Variants in SH3BP4 observed in about 807,000 individuals in gnomAD.
SH3BP4 encodes SH3 domain-binding protein 4.
A neutral mutation model predicts 65.5 loss-of-function variants in SH3BP4; 33 were observed. That is an observed-to-expected ratio of 0.50 (90% CI 0.38 to 0.67). SH3BP4 has a LOEUF of 0.67. SH3BP4 is among the 30% of genes least tolerant of loss of function. SH3BP4 has a pLI of 0.00. For synonymous variants in SH3BP4, 552 were observed against 545.5 expected, an observed-to-expected ratio of 1.01 and a Z score of -0.17; for missense variants, 1,134 against 1,261.4, an observed-to-expected ratio of 0.90 and a Z score of 1.53.
In SH3BP4 at chr2:235,045,782, C is replaced by T. The variant is rs1262649774; in HGVS notation, c.2478+2535C>T. Among the ~76,000 whole-genome samples the T allele has an allele frequency of 3.3e-5, 5 of 152,182 alleles. No individual in the cohort carries two copies. Among genetic ancestry groups the T allele is most frequent in the African/African-American group, 9.7e-5 (4 of 41,438 alleles). On this transcript the variant is annotated intron_variant, in intron 4 of 5. Coordinates refer to ENST00000392011, the MANE Select transcript of SH3BP4 (RefSeq NM_014521.3). This position sits in a 1 kb window ranked among gnomAD's most constrained non-coding sequence, Gnocchi z 4.3. ...CGGCCTCTGCCACCGCTTTACCTGC[C>T]CCTCCCAGAGAGTCACAGCCAGGCC...
At position 235,002,460 on chromosome 2, in the gene SH3BP4, C is replaced by T. The variant is rs1401763496; in HGVS notation, c.-133+7084C>T. ...CATCAAACCAAGGTCAAGCTGGATG[C>T]GGTGGCTCATGACTGTAATCCAAGG... On this transcript the variant is annotated intron_variant, in intron 2 of 5. Coordinates refer to ENST00000392011, the MANE Select transcript of SH3BP4 (RefSeq NM_014521.3). Among the ~76,000 whole-genome samples, 6 of 152,082 alleles carry T rather than the reference C, an allele frequency of 3.9e-5. 1 individual carries two copies. The South Asian group carries it at 1.0e-3, about 26-fold the overall frequency.
chr2:234,998,800 T>C (rs1694008597), intron 2 of SH3BP4, among the ~76,000 whole-genome samples: 1 of 152,240 alleles, frequency 6.6e-6, no homozygotes, highest in Non-Finnish European at 1.5e-5. Flanking sequence ...GCCTTCGATC[T>C]GTGACAGAGA....
intron 1 of SH3BP4, among the ~76,000 whole-genome samples, chr2:234,954,657 T>C (rs1692547710): frequency 6.6e-6 from 1 of 152,256 alleles, no homozygotes; most frequent in African/African-American, 2.4e-5. Flanking sequence ...GAATAGACTT[T>C]CTTCTTATTC....
At chr2:234,956,247 C>T (rs1024934963) in intron 1 of SH3BP4, among the ~76,000 whole-genome samples, 3 of 152,140 alleles carry the variant, frequency 2.0e-5, no homozygotes, top group African/African-American at 4.8e-5. Flanking sequence ...GGATTTGGTA[C>T]GATGTCTTTC....
chr2:235,003,001 A>G (rs1694179366), intron 2 of SH3BP4, among the ~76,000 whole-genome samples: 1 of 152,228 alleles, frequency 6.6e-6, no homozygotes, highest in African/African-American at 2.4e-5. Flanking sequence ...AGTAACTTGA[A>G]CCTGGCTGCC....
intron 2 of SH3BP4, among the ~76,000 whole-genome samples, chr2:235,018,343 G>C (rs889225832): frequency 6.6e-6 from 1 of 152,212 alleles, no homozygotes; most frequent in East Asian, 1.9e-4. Flanking sequence ...TTTTAGTCTC[G>C]TGGGGTACGG....
rs1695703465 is a variant in SH3BP4 at position 235,042,572 on chromosome 2, C to T, written c.1803C>T (p.Leu601=). The T allele has an allele frequency of 2.5e-6, 4 of 1,614,030 alleles. 1 individual carries two copies. Among genetic ancestry groups the T allele is most frequent in the Middle Eastern group, 1.6e-4 (1 of 6,084 alleles). The change falls in exon 4 of 6, where the codon CTC becomes CTT. Residue 601 remains leucine (L), a synonymous_variant. Transcript: ENST00000392011. The surrounding 1 kb of genome is among the most constrained non-coding windows in gnomAD (Gnocchi z 7.3). ...VQVKDDQEAI[L]TQFCVQTPQP... ...TGAAGGACGACCAGGAGGCCATCCT[C>T]ACCCAGTTTTGTGTCCAGACTCCTC...
rs552336041 is a variant in SH3BP4 at position 234,997,564 on chromosome 2, G to A, written c.-133+2188G>A. ...AGGAGGCCTGCAGCAGAGCACGGCCGATTGCTCCTCCGGGGAGTGTCAGCT... is the reference window on the plus strand; with the variant it reads ...AGGAGGCCTGCAGCAGAGCACGGCCAATTGCTCCTCCGGGGAGTGTCAGCT... On this transcript the variant is annotated intron_variant, in intron 2 of 5. Coordinates refer to ENST00000392011, the MANE Select transcript of SH3BP4 (RefSeq NM_014521.3). This position sits in a 1 kb window ranked among gnomAD's most constrained non-coding sequence, Gnocchi z 4.2. 2.2e-4 allele frequency among the ~76,000 whole-genome samples: 33 copies of A among 152,298 alleles called. No individual in the cohort carries two copies. The highest frequency in any genetic ancestry group is 3.4e-4 in the Non-Finnish European group (23 of 68,024).
intron 2 of SH3BP4, among the ~76,000 whole-genome samples, chr2:235,013,363 T>C (rs996590661): frequency 6.6e-6 from 1 of 152,172 alleles, no homozygotes; most frequent in Non-Finnish European, 1.5e-5. Flanking sequence ...TTGTCTCCGG[T>C]GTCTGGGCAG....
Position 235,052,751 on chromosome 2 carries a change from G to A in SH3BP4, c.2667+1G>A, listed in dbSNP as rs764771008. 1 of 1,582,078 alleles carries A rather than the reference G, an allele frequency of 6.3e-7. No homozygotes were observed. Among genetic ancestry groups the A allele is most frequent in the South Asian group, 1.2e-5 (1 of 86,570 alleles). ...CAGGAACGGGGTTGTGGACAGCGAG[G>A]TGAGCAGCGGCTGAGCTTCGAGCTC... On this transcript the variant is annotated splice_donor_variant, in intron 5 of 5. Coordinates refer to ENST00000392011, the MANE Select transcript of SH3BP4 (RefSeq NM_014521.3). LOFTEE classifies it high-confidence loss of function. The surrounding 1 kb of genome is among the most constrained non-coding windows in gnomAD (Gnocchi z 5.0).
At chr2:235,005,284 T>G (rs1694257619) in intron 2 of SH3BP4, among the ~76,000 whole-genome samples, 1 of 152,084 alleles carries the variant, frequency 6.6e-6, no homozygotes, top group South Asian at 2.1e-4. Context: ...GTGGTCTGAA[T>G]TGGCTGTACC....
At chr2:234,992,241 TG>T (rs995792527) in intron 1 of SH3BP4, among the ~76,000 whole-genome samples, 1 of 152,108 alleles carries the variant, frequency 6.6e-6, no homozygotes, top group Non-Finnish European at 1.5e-5. Context: ...TTTTGTGCCT[TG>T]GGGGGCAGGA....
chr2:234,978,756 C>T lies in SH3BP4; in HGVS notation c.-206-16547C>T, dbSNP rs1470886527. ...GGTGCTTCGAGGTCCTGGAGGGGAG[C>T]CCTGGCCCTGTGGAGAGAGACCGAG... On this transcript the variant is annotated intron_variant, in intron 1 of 5. Transcript: ENST00000392011. The surrounding 1 kb of genome is among the most constrained non-coding windows in gnomAD (Gnocchi z 4.1). 2 of 152,158 alleles carry T rather than the reference C, an allele frequency of 1.3e-5. No homozygotes were observed. The highest frequency in any genetic ancestry group is 2.4e-5 in the African/African-American group (1 of 41,406). 9.4% of individuals were successfully genotyped at this position (152,158 alleles called of 1,614,324 possible). A position where few individuals can be genotyped will look rare whatever the true frequency, so the allele number is the denominator to read the frequency against.
chr2:235,055,289 G>A lies in SH3BP4; in HGVS notation c.*1473G>A, dbSNP rs1027873099. 8 of 152,404 alleles carry A rather than the reference G, an allele frequency of 5.2e-5. No homozygotes were observed. Among genetic ancestry groups the A allele is most frequent in the African/African-American group, 1.9e-4 (8 of 41,414 alleles). The allele number at this position is 152,404 out of a possible 1,614,324, so 9.4% of individuals were successfully genotyped here. A position where few individuals can be genotyped will look rare whatever the true frequency, so the allele number is the denominator to read the frequency against. On this transcript the variant is annotated 3_prime_UTR_variant, in exon 6 of 6. Coordinates refer to ENST00000392011, the MANE Select transcript of SH3BP4 (RefSeq NM_014521.3). The stretch of plus-strand genomic sequence containing the variant: ...TTTCTTGAAACATGTTACTTCCTTA[G>A]TATAATCAATGTATACTCCCTTACT...
At chr2:235,048,279 A>G (rs545422051) in intron 4 of SH3BP4, among the ~76,000 whole-genome samples, 271 of 152,300 alleles carry the variant, frequency 1.8e-3, no homozygotes, top group African/African-American at 6.0e-3. Context: ...GATGGAATAA[A>G]CATGCAGCAA....
rs1338988521 is a variant in SH3BP4, at chr2:234,952,467, G to C, written c.-207+297G>C. ...GAGCCGCAGCCCTCCGCGTGCGCTC[G>C]GGCCGCCCCCCAACCCCGGCTCTGG... On this transcript the variant is annotated intron_variant, in intron 1 of 5. Transcript: ENST00000392011. This position sits in a 1 kb window ranked among gnomAD's most constrained non-coding sequence, Gnocchi z 6.5. 6.6e-6 allele frequency among the ~76,000 whole-genome samples: 1 copy of C among 151,272 alleles called. No individual in the cohort carries two copies. The highest frequency in any genetic ancestry group is 1.5e-5 in the Non-Finnish European group (1 of 67,766).
rs560274543 is a variant in SH3BP4, at chr2:234,952,386, C to G, written c.-207+216C>G. ...GCGCGCCCCTCGCCGCTCCCCCGGG[C>G]GCTCGGGTCTCCCTGGTGCTGGTGG... On this transcript the variant is annotated intron_variant, in intron 1 of 5. Transcript: ENST00000392011. The surrounding 1 kb of genome is among the most constrained non-coding windows in gnomAD (Gnocchi z 6.5). 4.6e-4 allele frequency among the ~76,000 whole-genome samples: 69 copies of G among 151,076 alleles called. No individual in the cohort carries two copies. The South Asian group carries it at 5.4e-3, about 12-fold the overall frequency.
At chr2:234,980,652 C>T (rs1287193864) in intron 1 of SH3BP4, among the ~76,000 whole-genome samples, 1 of 152,196 alleles carries the variant, frequency 6.6e-6, no homozygotes, top group African/African-American at 2.4e-5. Flanking sequence ...GGCTGCCAGT[C>T]CAGCTCCACT....
chr2:235,052,571 A>C lies in SH3BP4; in HGVS notation c.2488A>C (p.Lys830Gln), dbSNP rs1361500148. ...GCCTCTTCCTCTGCAGGCCCTACTG[A>C]AGATGGACTGCCAGGGCCTGGTGGT... ...FQKELVMALL[K>Q]MDCQGLVVRL... The change falls in exon 5 of 6, where the codon AAG becomes CAG. Residue 830 changes from lysine to glutamine, a missense_variant. Coordinates refer to ENST00000392011, the MANE Select transcript of SH3BP4 (RefSeq NM_014521.3). This position sits in a 1 kb window ranked among gnomAD's most constrained non-coding sequence, Gnocchi z 5.0. 1.2e-5 allele frequency: 18 copies of C among 1,548,838 alleles called. No individual in the cohort carries two copies.
Sources: allele counts gnomAD v4.1 joint callset (sites outside exome capture counted in the v4.1 genomes callset), GRCh38; gene constraint gnomAD v4.1.1; non-coding constraint Gnocchi (gnomAD v3.1); transcripts MANE v1.5; gene names NCBI Gene and HGNC (gene_info 2026-07-23, HGNC 2026-07-21).